Variants in UNC13B observed in about 807,000 individuals in gnomAD.
UNC13B encodes unc-13 homolog B, also known as protein unc-13 homolog B.
A neutral mutation model predicts 211.0 loss-of-function variants in UNC13B; 144 were observed. The ratio of observed to expected loss-of-function variants is 0.68; its 90% CI spans 0.60 to 0.78. The LOEUF (loss-of-function observed/expected upper bound fraction) is 0.78. UNC13B is among the 30% of genes least tolerant of loss of function. UNC13B has a pLI of 0.00. For synonymous variants in UNC13B, 709 were observed against 725.8 expected (o/e 0.98, Z 0.37); for missense variants, 1,777 against 2,002.0 (o/e 0.89, Z 2.14).
chr9:35,339,293 C>T (rs1447907583), intron 11 of UNC13B, among the ~76,000 whole-genome samples: 5 of 152,216 alleles, frequency 3.3e-5, no homozygotes, highest in Admixed American at 2.0e-4. Flanking sequence ...GAGGTGGGTG[C>T]TGTGCTATTT....
rs1829744001 is a variant in UNC13B at position 35,302,668 on chromosome 9, A to G, written c.3264A>G (p.Glu1088=). The G allele has an allele frequency of 2.5e-6, 1 of 398,682 alleles. No homozygotes were observed. Among genetic ancestry groups the G allele is most frequent in the Non-Finnish European group, 4.4e-6 (1 of 225,768 alleles). 24.7% of individuals were successfully genotyped at this position (398,682 alleles called of 1,614,324 possible). A position where few individuals can be genotyped will look rare whatever the true frequency, so the allele number is the denominator to read the frequency against. The change falls in exon 9 of 40, where the codon GAA becomes GAG. Residue 1088 remains glutamate (E), a synonymous_variant. Coordinates refer to ENST00000635942, the MANE Select transcript of UNC13B (RefSeq NM_001371189.2). The part of the protein sequence containing the change: ...GLAIPGVVPK[E]HITSDPLGED... ...CCATCCCTGGAGTTGTGCCCAAAGA[A>G]CATATAACTTCAGATCCTTTAGGAG...
intron 11 of UNC13B, among the ~76,000 whole-genome samples, chr9:35,354,008 G>T (rs1007792625): frequency 7.2e-5 from 11 of 152,172 alleles, no homozygotes; most frequent in African/African-American, 2.4e-4. Context: ...TCAAGCAAGA[G>T]GAAGCTTGAA....
At chr9:35,311,186 G>A (rs1830165708) in intron 10 of UNC13B, among the ~76,000 whole-genome samples, 1 of 152,144 alleles carries the variant, frequency 6.6e-6, no homozygotes, top group Non-Finnish European at 1.5e-5. Flanking sequence ...TGCCCAGGCT[G>A]GTCTTGAACT....
intron 1 of UNC13B, among the ~76,000 whole-genome samples, chr9:35,218,893 G>T (rs1355340910): frequency 6.6e-6 from 1 of 151,978 alleles, no homozygotes; most frequent in Non-Finnish European, 1.5e-5. Context: ...GGGATTACAG[G>T]CATGCACCAC....
At chr9:35,311,071 C>G (rs1012360608) in intron 10 of UNC13B, among the ~76,000 whole-genome samples, 9 of 152,170 alleles carry the variant, frequency 5.9e-5, no homozygotes, top group African/African-American at 1.7e-4. Context: ...ACAGCCTGGT[C>G]TCAAGCAATT....
At chr9:35,370,183 C>T in intron 12 of UNC13B, 135 bp from the exon 13 acceptor site, 1 of 637,970 alleles carries the variant, frequency 1.6e-6, no homozygotes, top group East Asian at 2.8e-5. Flanking sequence ...TCTTTCCTTC[C>T]CGTCCTAAAA....
chr9:35,346,451 GGT>G (rs1296918810), intron 11 of UNC13B, among the ~76,000 whole-genome samples: 5 of 152,186 alleles, frequency 3.3e-5, no homozygotes, highest in African/African-American at 1.2e-4. Context: ...AAAAAACTGA[GGT>G]GTTTTCCTTT....
intron 6 of UNC13B, among the ~76,000 whole-genome samples, chr9:35,244,203 A>G (rs1471624579): frequency 6.6e-6 from 1 of 152,152 alleles, no homozygotes; most frequent in Non-Finnish European, 1.5e-5. Context: ...AAAGAGAGAG[A>G]ATAAGATAAC....
At chr9:35,245,506 C>G (rs1240193449) in intron 6 of UNC13B, among the ~76,000 whole-genome samples, 2 of 125,716 alleles carry the variant, frequency 1.6e-5, no homozygotes, top group East Asian at 2.7e-4. Flanking sequence ...CCCCTCCCCC[C>G]ACCCCACAAC....
chr9:35,253,328 G>T (rs559053187), intron 6 of UNC13B, among the ~76,000 whole-genome samples: 50 of 152,160 alleles, frequency 3.3e-4, no homozygotes, highest in African/African-American at 1.2e-3. Context: ...TTTTTGTGGA[G>T]GTGGGGTCTT....
At position 35,302,105 on chromosome 9, in the gene UNC13B, G is replaced by T; in HGVS notation, c.2701G>T (p.Asp901Tyr). 1 of 398,694 alleles carries T rather than the reference G, an allele frequency of 2.5e-6. No individual in the cohort carries two copies. The highest frequency in any genetic ancestry group is 1.3e-4 in the South Asian group (1 of 7,790). 24.7% of individuals were successfully genotyped at this position (398,694 alleles called of 1,614,324 possible). ...SFTDSKVTVN[D>Y]QSLRGSAVTT... is the part of the protein sequence containing the mutation. ...CACTGACAGCAAGGTTACTGTTAAT[G>T]ACCAGAGTTTACGTGGCTCAGCAGT... Residue 901 changes from aspartate (D) to tyrosine (Y), a missense_variant, in exon 9 of 40, where the codon GAC becomes TAC. Asp to Tyr is a radical substitution (Grantham distance 160). Coordinates refer to ENST00000635942, the MANE Select transcript of UNC13B (RefSeq NM_001371189.2).
chr9:35,194,826 A>G (rs1822849397), intron 1 of UNC13B, among the ~76,000 whole-genome samples: 9 of 152,198 alleles, frequency 5.9e-5, no homozygotes, highest in Admixed American at 5.9e-4. Context: ...AGAAAAATTT[A>G]GGACACGGAC....
intron 7 of UNC13B, among the ~76,000 whole-genome samples, chr9:35,260,791 T>C (rs1198316543): frequency 6.6e-6 from 1 of 152,202 alleles, no homozygotes; most frequent in African/African-American, 2.4e-5. Context: ...AAACTCATTG[T>C]AATGAGTTCA....
rs376255904 is a variant in UNC13B, at chr9:35,213,321, G to T, written c.23-14694G>T. Among the ~76,000 whole-genome samples, 116 of 152,152 alleles carry T rather than the reference G, an allele frequency of 7.6e-4. 2 individuals carry two copies. The South Asian group carries it at 0.019, about 25-fold the overall frequency. ...ACCAGGCAGTTTGTACTCCTTTCCC[G>T]GTCTCCCCTGCATCTGGTATCAGGA... On this transcript the variant is annotated intron_variant, in intron 1 of 39. Transcript: ENST00000635942.
At chr9:35,383,636 T>C (rs7024134) in intron 21 of UNC13B, among the ~76,000 whole-genome samples, 12,280 of 152,240 alleles carry the variant, frequency 0.081, 651 homozygotes, top group East Asian at 0.3. Flanking sequence ...CCACGTTTAA[T>C]TATACTTTTT....
At chr9:35,334,765 G>A (rs200643719) in intron 11 of UNC13B, among the ~76,000 whole-genome samples, 1 of 152,102 alleles carries the variant, frequency 6.6e-6, no homozygotes, top group East Asian at 1.9e-4. Flanking sequence ...GGCCGGGCGC[G>A]GTGGCTCACG....
chr9:35,364,458 T>C, intron 11 of UNC13B: 2 of 1,433,098 alleles, frequency 1.4e-6, no homozygotes, highest in South Asian at 2.5e-5. Flanking sequence ...CCTTGGAGTT[T>C]AGCTGGCATT....
chr9:35,272,267 T>C (rs1389819207), intron 7 of UNC13B, among the ~76,000 whole-genome samples: 2 of 149,784 alleles, frequency 1.3e-5, no homozygotes, highest in South Asian at 2.1e-4. Context: ...GTTTTTGTTT[T>C]TTTTTTTTGA....
In UNC13B at chr9:35,376,127, T is replaced by G. The variant is rs1156418611; in HGVS notation, c.9715T>G (p.Tyr3239Asp). The change falls in exon 15 of 40, where the codon TAC becomes GAC. Residue 3239 changes from tyrosine to aspartate, a missense_variant. By Grantham distance (160) the Tyr-to-Asp change is radical (BLOSUM62 -3). Coordinates refer to ENST00000635942, the MANE Select transcript of UNC13B (RefSeq NM_001371189.2). ...FEVWTATTPT[Y>D]CYECEGLLWG... ...GGTCTGGACGGCCACTACCCCAACC[T>G]ACTGCTATGAGTGTGAAGGCCTGCT... 1 of 1,614,250 alleles carries G rather than the reference T, an allele frequency of 6.2e-7. No homozygotes were observed. Among genetic ancestry groups the G allele is most frequent in the Non-Finnish European group, 8.5e-7 (1 of 1,180,030 alleles).
Sources: allele counts gnomAD v4.1 joint callset (sites outside exome capture counted in the v4.1 genomes callset), GRCh38; gene constraint gnomAD v4.1.1; transcripts MANE v1.5; gene names NCBI Gene and HGNC (gene_info 2026-07-23, HGNC 2026-07-21).